Variants in SIPA1L1 observed in about 807,000 individuals in gnomAD.
The protein encoded by SIPA1L1 is signal-induced proliferation-associated 1-like protein 1.
A neutral mutation model predicts 162.7 loss-of-function variants in SIPA1L1; 26 were observed. The ratio of observed to expected loss-of-function variants is 0.16; its 90% CI spans 0.12 to 0.22. The LOEUF (loss-of-function observed/expected upper bound fraction) is 0.22, where lower values mean the gene tolerates loss of function less well. Ranked by LOEUF, SIPA1L1 falls within the 10% of genes least tolerant of loss-of-function variation. The probability of loss-of-function intolerance (pLI) is 1.00; values close to 1 mark genes in which losing one functional copy is unlikely to be tolerated. For missense variants in SIPA1L1, 1,874 were observed against 2,241.0 expected (o/e 0.84, Z 3.31); for synonymous variants, 829 against 837.4 (o/e 0.99, Z 0.17).
chr14:71,528,918 G>A (rs2053162886), intron 3 of SIPA1L1, among the ~76,000 whole-genome samples: 1 of 151,948 alleles, frequency 6.6e-6, no homozygotes, highest in East Asian at 1.9e-4. Context: ...TTCGAGACCA[G>A]CCTGACTAAC....
intron 4 of SIPA1L1, among the ~76,000 whole-genome samples, chr14:71,543,305 G>C (rs2054641982): frequency 6.6e-6 from 1 of 152,120 alleles, no homozygotes; most frequent in Non-Finnish European, 1.5e-5. Context: ...TTTAAGATTT[G>C]GGTTTCTGAT....
At position 71,739,256 on chromosome 14, in the gene SIPA1L1, C is replaced by T; in HGVS notation, c.*95C>T. 1 of 1,257,026 alleles carries T rather than the reference C, an allele frequency of 8.0e-7. No homozygotes were observed. Among genetic ancestry groups the T allele is most frequent in the Non-Finnish European group, 1.1e-6 (1 of 936,706 alleles). 77.9% of individuals were successfully genotyped at this position (1,257,026 alleles called of 1,614,324 possible). A position where few individuals can be genotyped will look rare whatever the true frequency, so the allele number is the denominator to read the frequency against. On this transcript the variant is annotated 3_prime_UTR_variant, in exon 24 of 24. Coordinates refer to ENST00000381232, the MANE Select transcript of SIPA1L1 (RefSeq NM_001386936.1). Reference sequence around the variant, plus strand: ...CTCCATAGAAAGCATCCTCAGAGCACCTTCCCTGGCTTCCTACTCTGCCCC... The same window carrying T: ...CTCCATAGAAAGCATCCTCAGAGCATCTTCCCTGGCTTCCTACTCTGCCCC...
chr14:71,427,910 T>A (rs1188923347), intron 2 of SIPA1L1, among the ~76,000 whole-genome samples: 20 of 152,170 alleles, frequency 1.3e-4, no homozygotes, highest in Admixed American at 1.3e-3. Context: ...AGTTTTTAAT[T>A]TATTTTTTCC....
At chr14:71,687,684 G>A (rs1029134292) in intron 13 of SIPA1L1, among the ~76,000 whole-genome samples, 2 of 152,200 alleles carry the variant, frequency 1.3e-5, no homozygotes, top group Non-Finnish European at 2.9e-5. Flanking sequence ...AGAGAATGCA[G>A]AACTCCATTT....
intron 13 of SIPA1L1, among the ~76,000 whole-genome samples, chr14:71,685,976 A>G (rs1467460140): frequency 6.6e-6 from 1 of 152,202 alleles, no homozygotes; most frequent in Non-Finnish European, 1.5e-5. Flanking sequence ...CATCCTTGAC[A>G]GTCTTCATCA....
chr14:71,542,612 CT>C (rs2054549287), intron 4 of SIPA1L1, among the ~76,000 whole-genome samples: 1 of 128,776 alleles, frequency 7.8e-6, no homozygotes, highest in Non-Finnish European at 1.7e-5. Flanking sequence ...CTTCCTCCCC[CT>C]CCCCCTCCTC....
At chr14:71,351,744 A>G (rs1319748095) in intron 2 of SIPA1L1, among the ~76,000 whole-genome samples, 1 of 152,222 alleles carries the variant, frequency 6.6e-6, no homozygotes, top group East Asian at 1.9e-4. Flanking sequence ...AGACAACTGT[A>G]AGAATTTATG....
chr14:71,502,210 G>T (rs2050278756), intron 2 of SIPA1L1, among the ~76,000 whole-genome samples: 3 of 128,304 alleles, frequency 2.3e-5, no homozygotes, highest in South Asian at 4.8e-4. Flanking sequence ...GGCTATTTTG[G>T]TTTTACTATC....
intron 4 of SIPA1L1, among the ~76,000 whole-genome samples, chr14:71,542,481 GCTT>G (rs1398334165): frequency 3.5e-5 from 5 of 142,750 alleles, no homozygotes; most frequent in Admixed American, 7.1e-5. Context: ...TTCTGCTTCT[GCTT>G]CTTCTGCTTC....
At chr14:71,406,254 T>G (rs551936509) in intron 2 of SIPA1L1, among the ~76,000 whole-genome samples, 2 of 152,322 alleles carry the variant, frequency 1.3e-5, no homozygotes, top group South Asian at 4.1e-4. Context: ...ATAACTAACC[T>G]ATAAAAATTT....
chr14:71,457,270 C>A (rs934685573), intron 2 of SIPA1L1, among the ~76,000 whole-genome samples: 2 of 151,952 alleles, frequency 1.3e-5, no homozygotes, highest in African/African-American at 4.8e-5. Context: ...TCTCTCCAAA[C>A]AGGCTATATG....
intron 15 of SIPA1L1, chr14:71,704,904 C>T (rs1218806468): frequency 4.2e-6 from 3 of 709,460 alleles, no homozygotes; most frequent in Non-Finnish European, 7.3e-6. Flanking sequence ...AAATTTAATT[C>T]ATATAATCTA....
At chr14:71,674,397 G>C (rs1187874955) in intron 12 of SIPA1L1, among the ~76,000 whole-genome samples, 1 of 152,102 alleles carries the variant, frequency 6.6e-6, no homozygotes, top group East Asian at 1.9e-4. Flanking sequence ...AGGAATACTA[G>C]ACTAGATATA....
chr14:71,403,006 C>T (rs2041788040), intron 2 of SIPA1L1, among the ~76,000 whole-genome samples: 1 of 151,970 alleles, frequency 6.6e-6, no homozygotes. Flanking sequence ...TAAAGATGCA[C>T]GTTTTTGAGA....
intron 12 of SIPA1L1, among the ~76,000 whole-genome samples, chr14:71,678,107 C>T (rs1247501320): frequency 6.6e-6 from 1 of 152,126 alleles, no homozygotes; most frequent in African/African-American, 2.4e-5. Context: ...TTGACTTCCT[C>T]TTTTCCTAAT....
chr14:71,367,901 C>T (rs949762252), intron 2 of SIPA1L1, among the ~76,000 whole-genome samples: 62 of 149,008 alleles, frequency 4.2e-4, no homozygotes, highest in African/African-American at 1.5e-3. Flanking sequence ...GCCAGCGTGC[C>T]GGCCTTCCTT....
At chr14:71,673,150 G>T (rs2044712486) in intron 12 of SIPA1L1, among the ~76,000 whole-genome samples, 1 of 152,176 alleles carries the variant, frequency 6.6e-6, no homozygotes, top group African/African-American at 2.4e-5. Flanking sequence ...CCTGCTCATG[G>T]TGCTTTGGCA....
intron 2 of SIPA1L1, among the ~76,000 whole-genome samples, chr14:71,392,904 G>C (rs1227662636): frequency 6.6e-6 from 1 of 152,198 alleles, no homozygotes; most frequent in Non-Finnish European, 1.5e-5. Flanking sequence ...ACTTTTCAGT[G>C]CCTGAAAGCT....
chr14:71,652,145 CCAAAGAAGACAGTACG>C (rs1441380296), intron 8 of SIPA1L1, among the ~76,000 whole-genome samples: 1 of 152,082 alleles, frequency 6.6e-6, no homozygotes, highest in African/African-American at 2.4e-5. Flanking sequence ...CTCTGAAGCC[CCAAAGAAGACAGTACG>C]CAAAATCATC....
Sources: gnomAD v4.1 joint callset for allele counts (sites outside exome capture counted in the v4.1 genomes callset) on GRCh38, gnomAD v4.1.1 for gene constraint, MANE v1.5 for transcripts, NCBI Gene and HGNC (gene_info 2026-07-23, HGNC 2026-07-21) for gene names.